The following GRB10 variants were observed in gnomAD, a reference collection of about 807,000 sequenced individuals.
GRB10 encodes growth factor receptor-bound protein 10.
A neutral mutation model predicts 80.9 loss-of-function variants in GRB10; 20 were observed. The ratio of observed to expected loss-of-function variants is 0.25; its 90% CI spans 0.17 to 0.36. GRB10 has a LOEUF of 0.36. GRB10 is among the 10% of genes least tolerant of loss of function. The pLI is 1.00. For missense variants in GRB10, 548 were observed against 747.7 expected, an observed-to-expected ratio of 0.73 and a Z score of 3.12; for synonymous variants, 291 against 291.5, an observed-to-expected ratio of 1.00 and a Z score of 0.02.
chr7:50,607,375 T>C (rs537344207), intron 13 of GRB10, among the ~76,000 whole-genome samples: 353 of 152,336 alleles, frequency 2.3e-3, no homozygotes, highest in Non-Finnish European at 3.8e-3. Context: ...TAAGTGGACC[T>C]GCACAGTTCA....
intron 2 of GRB10, among the ~76,000 whole-genome samples, chr7:50,764,948 G>A (rs1428955571): frequency 6.6e-6 from 1 of 152,148 alleles, no homozygotes; most frequent in Admixed American, 6.5e-5. Flanking sequence ...TAACCAGAAT[G>A]TATAAGGAGT....
At chr7:50,792,727 C>CGCCCGGGCGCGCGCGCCGCG (rs2078983158) in intron 1 of GRB10, 1 of 319,562 alleles carries the variant, frequency 3.1e-6, no homozygotes, top group Non-Finnish European at 5.7e-6. Context: ...GACGCCCGGA[C>CGCCCGGGCGCGCGCGCCGCG]GCCCGGGCGC....
At position 50,604,017 on chromosome 7, in the gene GRB10, G is replaced by C. The variant is rs201369855; in HGVS notation, c.1525C>G (p.Gln509Glu). The part of the protein sequence containing the change: ...SREESHRIIK[Q>E]QGLVDGLFLL... ...CCTTACCCATCCACGAGCCCTTGCT[G>C]TTTAATGATCCTGTGGGATTCCTCC... Residue 509 changes from glutamine to glutamate, a missense_variant, in exon 17 of 19, where the codon CAG becomes GAG. By Grantham distance (29) the Gln-to-Glu change is conservative (BLOSUM62 2). Transcript: ENST00000401949. 900 of 1,613,636 alleles carry C rather than the reference G, an allele frequency of 5.6e-4. 3 individuals are homozygous for C. The highest frequency in any genetic ancestry group is 2.1e-3 in the South Asian group (191 of 91,080).
intron 17 of GRB10, among the ~76,000 whole-genome samples, chr7:50,601,020 C>T (rs1469352141): frequency 1.3e-5 from 2 of 152,224 alleles, no homozygotes; most frequent in Admixed American, 6.5e-5. Context: ...AAATGATGTT[C>T]CATGTACATA....
rs994139495 is a variant in GRB10 at position 50,626,246 on chromosome 7, A to G, written c.661+576T>C. Among the ~76,000 whole-genome samples, 4 of 152,260 alleles carry G rather than the reference A, an allele frequency of 2.6e-5. No individual in the cohort carries two copies. The East Asian group carries it at 5.8e-4, about 22-fold the overall frequency. ...AGGCATGACATGGGCACACACATAT[A>G]CACGTGCATGAACACTGTTCAAAGC... On this transcript the variant is annotated intron_variant, in intron 8 of 18. Coordinates refer to ENST00000401949, the MANE Select transcript of GRB10 (RefSeq NM_001350814.2).
At chr7:50,755,127 G>C (rs1380881332) in intron 3 of GRB10, among the ~76,000 whole-genome samples, 1 of 152,196 alleles carries the variant, frequency 6.6e-6, no homozygotes, top group Non-Finnish European at 1.5e-5. Context: ...GGGATACTGC[G>C]GGGAAGCCCG....
chr7:50,626,724 G>A (rs1343947973), intron 8 of GRB10, 98 bp downstream of exon 8: 1 of 1,371,976 alleles, frequency 7.3e-7, no homozygotes, highest in African/African-American at 1.4e-5. Context: ...TTTCGCAGGG[G>A]ACACTGCGGT....
At chr7:50,630,667 T>C (rs1487547612) in intron 7 of GRB10, among the ~76,000 whole-genome samples, 2 of 152,222 alleles carry the variant, frequency 1.3e-5, no homozygotes, top group African/African-American at 2.4e-5. Flanking sequence ...AAATCCTCAA[T>C]TTCTTTCTCT....
chr7:50,778,800 G>A (rs2077971240), intron 2 of GRB10, among the ~76,000 whole-genome samples: 1 of 152,234 alleles, frequency 6.6e-6, no homozygotes, highest in Admixed American at 6.5e-5. Flanking sequence ...GACCTTGGAA[G>A]AAGTGGGGTG....
chr7:50,618,832 T>C (rs892553264), intron 9 of GRB10, among the ~76,000 whole-genome samples: 6 of 152,214 alleles, frequency 3.9e-5, no homozygotes, highest in Non-Finnish European at 7.3e-5. Context: ...AATAATGAGT[T>C]TTTCTTCTGC....
chr7:50,750,609 G>T (rs2073964310), intron 3 of GRB10, among the ~76,000 whole-genome samples: 1 of 152,284 alleles, frequency 6.6e-6, no homozygotes, highest in African/African-American at 2.4e-5. Context: ...ATAACCAACT[G>T]CAGACAGAAC....
intron 2 of GRB10, among the ~76,000 whole-genome samples, chr7:50,763,882 C>T (rs559095385): frequency 1.8e-4 from 27 of 152,340 alleles, no homozygotes; most frequent in Non-Finnish European, 3.4e-4. Context: ...CCAGCCCTAG[C>T]TCTGGGGAGC....
In GRB10 at chr7:50,605,020, C is replaced by T. The variant is rs1488211115; in HGVS notation, c.1389+270G>A. 1.8e-5 allele frequency: 9 copies of T among 500,036 alleles called. No individual in the cohort carries two copies. The Admixed American group carries it at 2.9e-4, about 16-fold the overall frequency. 31.0% of individuals were successfully genotyped at this position (500,036 alleles called of 1,614,324 possible). On this transcript the variant is annotated intron_variant, in intron 15 of 18. Transcript: ENST00000401949. ...CCAGTTCATCAGCAGAACAGTTCTG[C>T]ATAGGAGCCACGGAGGGCAGAGAAC...
intron 2 of GRB10, among the ~76,000 whole-genome samples, chr7:50,760,188 G>A (rs181463201): frequency 7.7e-4 from 117 of 152,354 alleles, no homozygotes; most frequent in African/African-American, 2.7e-3. Context: ...AAGGCCAGCA[G>A]AGCGGTGAGA....
chr7:50,659,078 G>T (rs1263957997), intron 7 of GRB10, among the ~76,000 whole-genome samples: 1 of 152,238 alleles, frequency 6.6e-6, no homozygotes, highest in Non-Finnish European at 1.5e-5. Flanking sequence ...AAAGTTTACA[G>T]GTGCTGTCTC....
intron 13 of GRB10, 25 bp downstream of exon 13, chr7:50,612,716 A>G (rs1295442491): frequency 6.4e-7 from 1 of 1,560,956 alleles, no homozygotes; most frequent in East Asian, 2.2e-5. Flanking sequence ...TGTGCACTCA[A>G]CACAAACCGC....
At chr7:50,742,496 T>A (rs1215096057) in intron 3 of GRB10, among the ~76,000 whole-genome samples, 1 of 152,212 alleles carries the variant, frequency 6.6e-6, no homozygotes, top group African/African-American at 2.4e-5. Context: ...AGCATGGGCA[T>A]CACCCGGGTG....
intron 5 of GRB10, among the ~76,000 whole-genome samples, chr7:50,686,925 A>AT (rs1321009119): frequency 6.6e-6 from 1 of 152,076 alleles, no homozygotes; most frequent in African/African-American, 2.4e-5. Flanking sequence ...TGTAAGTTTT[A>AT]TTTTTTTATT....
At chr7:50,734,466 ACGC>A (rs2070445397) in intron 3 of GRB10, among the ~76,000 whole-genome samples, 3 of 31,458 alleles carry the variant, frequency 9.5e-5, no homozygotes, top group Non-Finnish European at 4.3e-4. Context: ...CACACCCCCC[ACGC>A]ACGCCGCACG....
Sources: gnomAD v4.1 joint callset for allele counts (sites outside exome capture counted in the v4.1 genomes callset) on GRCh38, gnomAD v4.1.1 for gene constraint, MANE v1.5 for transcripts, NCBI Gene and HGNC (gene_info 2026-07-23, HGNC 2026-07-21) for gene names.